The following AKAP19 variants were observed in gnomAD, a reference collection of about 807,000 sequenced individuals.
AKAP19 encodes small A-kinase anchoring protein.
At chr2:190,033,101 A>G in the AKAP19 span, among the ~76,000 whole-genome samples, 1 of 152,218 alleles carries the variant, frequency 6.6e-6, no homozygotes, top group African/African-American at 2.4e-5. Context: ...TTGCTAACAG[A>G]TCATGATAGT....
chr2:190,002,372 T>G, the AKAP19 span, among the ~76,000 whole-genome samples: 4 of 152,190 alleles, frequency 2.6e-5, no homozygotes, highest in Non-Finnish European at 1.5e-5. Context: ...TCCTGCTCAA[T>G]TTTGATTTCA....
At chr2:190,140,820 C>T in the AKAP19 span, among the ~76,000 whole-genome samples, 1 of 152,172 alleles carries the variant, frequency 6.6e-6, no homozygotes, top group African/African-American at 2.4e-5. Context: ...ATTTCTGCAA[C>T]GGGCTTAAAT....
the AKAP19 span, among the ~76,000 whole-genome samples, chr2:189,964,080 A>G: frequency 6.6e-6 from 1 of 152,218 alleles, no homozygotes; most frequent in Non-Finnish European, 1.5e-5. Flanking sequence ...TTAAATAATA[A>G]GACTTGAAAG....
At chr2:190,163,599 A>C in the AKAP19 span, among the ~76,000 whole-genome samples, 1 of 152,222 alleles carries the variant, frequency 6.6e-6, no homozygotes, top group East Asian at 1.9e-4. Context: ...ACTAATTACC[A>C]GGCACTCAAC....
chr2:190,147,678 CAG>C, the AKAP19 span, among the ~76,000 whole-genome samples: 139,685 of 151,942 alleles, frequency 0.92, 64,942 homozygotes, highest in East Asian at 1. Flanking sequence ...TTTCTATCAG[CAG>C]AGTTTTGTAG....
the AKAP19 span, among the ~76,000 whole-genome samples, chr2:190,084,097 T>TTTG: frequency 6.7e-6 from 1 of 150,248 alleles, no homozygotes; most frequent in Non-Finnish European, 1.5e-5. Flanking sequence ...CAGGTTTTTT[T>TTTG]TTTTTTTTTT....
At chr2:190,118,180 C>T in the AKAP19 span, among the ~76,000 whole-genome samples, 1 of 152,122 alleles carries the variant, frequency 6.6e-6, no homozygotes, top group South Asian at 2.1e-4. Flanking sequence ...AAAGTTGAAT[C>T]TCTTACTAGA....
the AKAP19 span, among the ~76,000 whole-genome samples, chr2:189,956,168 C>CA: frequency 2.3e-4 from 1 of 4,344 alleles, no homozygotes. Context: ...AGTATATTTT[C>CA]TTTTTTTTCT....
chr2:189,917,893 G>A, the AKAP19 span: 1 of 151,702 alleles, frequency 6.6e-6, no homozygotes, highest in South Asian at 2.1e-4. Context: ...TATTTTTTCT[G>A]CTTTCCTATG....
chr2:190,174,476 C>T, the AKAP19 span, among the ~76,000 whole-genome samples: 2 of 152,248 alleles, frequency 1.3e-5, no homozygotes, highest in Middle Eastern at 3.4e-3. Context: ...TGTGGCTATG[C>T]CCCCTTTCAA....
At chr2:189,906,681 A>C in the AKAP19 span, among the ~76,000 whole-genome samples, 2 of 152,290 alleles carry the variant, frequency 1.3e-5, no homozygotes, top group South Asian at 4.1e-4. Flanking sequence ...ATTCCAACAT[A>C]TAGATATACA....
At chr2:190,003,568 A>C in the AKAP19 span, among the ~76,000 whole-genome samples, 2 of 152,156 alleles carry the variant, frequency 1.3e-5, no homozygotes, top group Non-Finnish European at 2.9e-5. Context: ...AATTAATATA[A>C]AATTGTACTC....
chr2:190,164,495 A>G, the AKAP19 span, among the ~76,000 whole-genome samples: 1 of 152,234 alleles, frequency 6.6e-6, no homozygotes, highest in East Asian at 1.9e-4. Context: ...GCATCACTGT[A>G]CTCCAGCCTG....
chr2:190,056,703 TG>T, the AKAP19 span: 1 of 153,804 alleles, frequency 6.5e-6, no homozygotes, highest in African/African-American at 2.4e-5. Context: ...ACCGTTGGCA[TG>T]GATTGTTAAT....
chr2:190,102,069 T>C, the AKAP19 span, among the ~76,000 whole-genome samples: 2 of 152,058 alleles, frequency 1.3e-5, no homozygotes, highest in Non-Finnish European at 2.9e-5. Context: ...CACTAATACA[T>C]GGAAATTAAA....
At chr2:189,923,889 G>A in the AKAP19 span, 44,713 of 1,609,358 alleles carry the variant, frequency 0.028, no homozygotes, top group Non-Finnish European at 0.031. Context: ...GCCATTAAGA[G>A]GGAGCTGACC....
chr2:190,177,245 G>T, the AKAP19 span, among the ~76,000 whole-genome samples: 2 of 152,194 alleles, frequency 1.3e-5, no homozygotes, highest in Non-Finnish European at 2.9e-5. This position sits in a 1 kb window ranked among gnomAD's most constrained non-coding sequence, Gnocchi z 4.6. Context: ...AGGGGTGGAG[G>T]TGGTGGGAGC....
At chr2:189,890,864 C>G in the AKAP19 span, among the ~76,000 whole-genome samples, 1 of 152,082 alleles carries the variant, frequency 6.6e-6, no homozygotes, top group Admixed American at 6.5e-5. Flanking sequence ...GGTCTTGACT[C>G]TATCCAATTT....
the AKAP19 span, among the ~76,000 whole-genome samples, chr2:189,897,478 G>C: frequency 6.6e-6 from 1 of 152,042 alleles, no homozygotes; most frequent in East Asian, 1.9e-4. Context: ...GTTTGCTTTA[G>C]AATATGAATA....
Sources: gnomAD v4.1 joint callset for allele counts (sites outside exome capture counted in the v4.1 genomes callset) on GRCh38, gnomAD v4.1.1 for gene constraint, Gnocchi (gnomAD v3.1) non-coding constraint, MANE v1.5 for transcripts, NCBI Gene and HGNC (gene_info 2026-07-23, HGNC 2026-07-21) for gene names.